CUBN: variants seen among roughly 807,000 people sequenced by gnomAD.
CUBN encodes the protein cubilin.
In CUBN, 282 loss-of-function variants were observed where a neutral mutation model predicts 405.3. That is an observed-to-expected ratio of 0.70 (90% CI 0.63 to 0.77). CUBN has a LOEUF of 0.77. Among genes scored for constraint, CUBN ranks in the 30% least tolerant of loss-of-function variants. CUBN has a pLI of 0.00. For synonymous variants in CUBN, 1,684 were observed against 1,617.0 expected (o/e 1.04, Z -0.99); for missense variants, 4,514 against 4,475.2 (o/e 1.01, Z -0.25).
chr10:16,875,390 G>T (rs575244182), intron 57 of CUBN, among the ~76,000 whole-genome samples: 1 of 152,098 alleles, frequency 6.6e-6, no homozygotes, highest in African/African-American at 2.4e-5. Context: ...ATTATAATGG[G>T]GTTAACGCAT....
intron 4 of CUBN, among the ~76,000 whole-genome samples, chr10:17,125,145 T>C (rs1837145954): frequency 6.6e-6 from 1 of 152,112 alleles, no homozygotes; most frequent in Admixed American, 6.6e-5. Context: ...TTCTCTGCTT[T>C]TAAAAAGTTA....
In CUBN at chr10:16,828,952, C is replaced by A; in HGVS notation, c.10617G>T (p.Trp3539Cys). ...GCCTTCCAGCAGGAGCAACAAGGACCCACTCGCAGTACGTGTTGTTTGGGT... is the reference window on the plus strand; with the variant it reads ...GCCTTCCAGCAGGAGCAACAAGGACACACTCGCAGTACGTGTTGTTTGGGT... ...GTYPNNTYCEWVLVAPAGRLV... is the reference protein window; with the variant it reads ...GTYPNNTYCECVLVAPAGRLV... Residue 3539 changes from tryptophan to cysteine, a missense_variant, in exon 66 of 67, where the codon TGG (tryptophan) becomes TGT (cysteine). This residue lies in a region of CUBN where 1,186 missense variants were observed against 1,186.9 expected (regional missense o/e 1.00). Coordinates refer to ENST00000377833, the MANE Select transcript of CUBN (RefSeq NM_001081.4). The A allele has an allele frequency of 1.9e-6, 3 of 1,614,030 alleles. No homozygotes were observed. Among genetic ancestry groups the A allele is most frequent in the South Asian group, 2.2e-5 (2 of 91,076 alleles).
At chr10:16,847,534 T>G (rs1458005624) in intron 60 of CUBN, among the ~76,000 whole-genome samples, 1 of 152,220 alleles carries the variant, frequency 6.6e-6, no homozygotes, top group Non-Finnish European at 1.5e-5. Context: ...TAAATGTATG[T>G]TTTTTGTTTA....
intron 45 of CUBN, among the ~76,000 whole-genome samples, chr10:16,916,583 A>G (rs1306952539): frequency 6.6e-6 from 1 of 152,192 alleles, no homozygotes; most frequent in Non-Finnish European, 1.5e-5. Context: ...AATTATATGC[A>G]GCTTGACTCA....
chr10:17,061,700 GTGT>G (rs761532613), intron 22 of CUBN, among the ~76,000 whole-genome samples: 79 of 152,278 alleles, frequency 5.2e-4, no homozygotes, highest in Non-Finnish European at 9.4e-4. Context: ...CTCTAATCCT[GTGT>G]TGTTGTTGTT....
At chr10:17,060,214 C>G (rs1564498760) in intron 22 of CUBN, among the ~76,000 whole-genome samples, 1 of 152,024 alleles carries the variant, frequency 6.6e-6, no homozygotes, top group Admixed American at 6.5e-5. Context: ...CTCCGCCTCC[C>G]AGGTTCAAGC....
At chr10:16,893,313 A>G (rs1841086038) in intron 54 of CUBN, among the ~76,000 whole-genome samples, 1 of 152,210 alleles carries the variant, frequency 6.6e-6, no homozygotes, top group South Asian at 2.1e-4. Flanking sequence ...ACATCTTGCA[A>G]AACTGTAGTA....
intron 27 of CUBN, among the ~76,000 whole-genome samples, chr10:17,036,375 C>T (rs1162754240): frequency 6.6e-6 from 1 of 152,146 alleles, no homozygotes; most frequent in Non-Finnish European, 1.5e-5. Context: ...TGGGAACAGT[C>T]AGGGAGCAGG....
chr10:17,107,868 A>T (rs1836673535), intron 10 of CUBN, among the ~76,000 whole-genome samples: 1 of 152,170 alleles, frequency 6.6e-6, no homozygotes, highest in South Asian at 2.1e-4. Flanking sequence ...AAAAACACAA[A>T]TATTTCTTTT....
intron 56 of CUBN, among the ~76,000 whole-genome samples, chr10:16,880,813 G>T (rs1004499988): frequency 6.6e-6 from 1 of 152,134 alleles, no homozygotes; most frequent in Non-Finnish European, 1.5e-5. Context: ...TAACCTCAAA[G>T]AATTCCCTTA....
intron 47 of CUBN, among the ~76,000 whole-genome samples, chr10:16,914,682 C>T (rs1841832705): frequency 6.6e-6 from 1 of 150,598 alleles, no homozygotes. Context: ...AGAGGAAAAT[C>T]AGAAAGTTAA....
chr10:16,900,905 G>A, intron 52 of CUBN, 55 bp from the exon 53 acceptor site: 1 of 1,160,020 alleles, frequency 8.6e-7, no homozygotes, highest in Non-Finnish European at 1.3e-6. Context: ...CTGTTACGAA[G>A]ATAAGGCCCT....
intron 17 of CUBN, among the ~76,000 whole-genome samples, chr10:17,073,773 C>T (rs1251477483): frequency 6.6e-6 from 1 of 152,130 alleles, no homozygotes; most frequent in Non-Finnish European, 1.5e-5. Flanking sequence ...AGTATAGTGG[C>T]CATGAATACA....
chr10:16,961,867 A>G (rs368409923), intron 31 of CUBN, among the ~76,000 whole-genome samples: 138,893 of 151,692 alleles, frequency 0.92, 64,202 homozygotes, highest in Non-Finnish European at 0.96. Flanking sequence ...GCCCGCCACT[A>G]CGCCTGGCTA....
chr10:17,023,699 A>T (rs1834571327), intron 27 of CUBN: 1 of 448,660 alleles, frequency 2.2e-6, no homozygotes, highest in Non-Finnish European at 4.5e-6. Flanking sequence ...ATCTACTCAG[A>T]GTGAACAATA....
chr10:17,054,237 AG>A (rs1006896354), intron 22 of CUBN, among the ~76,000 whole-genome samples: 20 of 149,824 alleles, frequency 1.3e-4, no homozygotes, highest in African/African-American at 4.9e-4. Context: ...AGGCTGAGGC[AG>A]GAGAATCACT....
At chr10:17,036,628 G>A (rs977827496) in intron 27 of CUBN, among the ~76,000 whole-genome samples, 3 of 152,080 alleles carry the variant, frequency 2.0e-5, no homozygotes, top group African/African-American at 7.2e-5. Flanking sequence ...AAACGTTCCA[G>A]CTTCCAAGAT....
intron 43 of CUBN, among the ~76,000 whole-genome samples, chr10:16,923,775 C>T (rs1408287176): frequency 6.6e-6 from 1 of 152,092 alleles, no homozygotes; most frequent in Non-Finnish European, 1.5e-5. Context: ...AAATATAAAT[C>T]AAACTGAGTC....
At chr10:17,127,678 T>A in intron 3 of CUBN, 151 bp downstream of exon 3, 1 of 596,914 alleles carries the variant, frequency 1.7e-6, no homozygotes, top group Non-Finnish European at 3.0e-6. Context: ...ACAGCCTCCA[T>A]TACAGCTGTG....
Sources: allele counts gnomAD v4.1 joint callset (sites outside exome capture counted in the v4.1 genomes callset), GRCh38; gene constraint gnomAD v4.1.1; regional missense constraint gnomAD v4.1.1; transcripts MANE v1.5; gene names NCBI Gene and HGNC (gene_info 2026-07-23, HGNC 2026-07-21).